The following ADCY2 variants were observed in gnomAD, a reference collection of about 807,000 sequenced individuals.
ADCY2 encodes the protein adenylate cyclase type 2.
ADCY2 carries 31 observed loss-of-function variants against 125.2 expected under a neutral mutation model. The ratio of observed to expected loss-of-function variants is 0.25; its 90% CI spans 0.19 to 0.33. The LOEUF is 0.33. ADCY2 is among the 10% of genes least tolerant of loss of function. ADCY2 has a pLI of 1.00. For missense variants in ADCY2, 904 were observed against 1,418.2 expected, an observed-to-expected ratio of 0.64 and a Z score of 5.82; for synonymous variants, 512 against 548.4, an observed-to-expected ratio of 0.93 and a Z score of 0.93.
At chr5:7,821,206 AG>A (rs1745288862) in intron 24 of ADCY2, among the ~76,000 whole-genome samples, 1 of 152,238 alleles carries the variant, frequency 6.6e-6, no homozygotes, top group Non-Finnish European at 1.5e-5. Flanking sequence ...ACAAATGAAA[AG>A]CAGTGGTTGG....
intron 3 of ADCY2, among the ~76,000 whole-genome samples, chr5:7,552,847 T>C (rs1735382727): frequency 6.6e-6 from 1 of 152,184 alleles, no homozygotes; most frequent in Non-Finnish European, 1.5e-5. Flanking sequence ...TTTTAAATAT[T>C]TTTCTGATAA....
At chr5:7,671,173 T>C (rs1277628711) in intron 4 of ADCY2, among the ~76,000 whole-genome samples, 4 of 152,182 alleles carry the variant, frequency 2.6e-5, no homozygotes, top group Non-Finnish European at 5.9e-5. Flanking sequence ...TCTTCTTTAT[T>C]TGTATAACAA....
At chr5:7,758,540 C>A (rs1463041758) in intron 16 of ADCY2, among the ~76,000 whole-genome samples, 5 of 152,190 alleles carry the variant, frequency 3.3e-5, no homozygotes, top group African/African-American at 1.2e-4. Flanking sequence ...AAGTAGAAAG[C>A]ATTCATGCAG....
At position 7,708,058 on chromosome 5, in the gene ADCY2, G is replaced by T. The variant is rs1167788441; in HGVS notation, c.1401+220G>T. 8 of 488,002 alleles carry T rather than the reference G, an allele frequency of 1.6e-5. No individual in the cohort carries two copies. The East Asian group carries it at 3.0e-4, about 18-fold the overall frequency. 30.2% of individuals were successfully genotyped at this position (488,002 alleles called of 1,614,324 possible). ...TGAAATGCACTGCTTTTCTGCAGGG[G>T]TGTTGATGCAGGTTGCTAGTTCAGG... On this transcript the variant is annotated intron_variant, in intron 9 of 24. Transcript: ENST00000338316.
chr5:7,571,512 T>C (rs759069514), intron 3 of ADCY2, among the ~76,000 whole-genome samples: 2 of 152,160 alleles, frequency 1.3e-5, no homozygotes, highest in Non-Finnish European at 2.9e-5. Context: ...CTAATTTCAG[T>C]GTGAATCTCT....
At chr5:7,825,021 GC>G (rs1288940765) in intron 24 of ADCY2, among the ~76,000 whole-genome samples, 2 of 152,084 alleles carry the variant, frequency 1.3e-5, no homozygotes, top group African/African-American at 4.8e-5. Context: ...ACCCCTGTGT[GC>G]CATAACACTG....
At chr5:7,480,886 G>C (rs1301462117) in intron 2 of ADCY2, among the ~76,000 whole-genome samples, 1 of 152,148 alleles carries the variant, frequency 6.6e-6, no homozygotes, top group Admixed American at 6.5e-5. Flanking sequence ...TTCATCTGCT[G>C]ATGGGCACTT....
At chr5:7,556,130 A>G (rs771776850) in intron 3 of ADCY2, among the ~76,000 whole-genome samples, 2 of 152,142 alleles carry the variant, frequency 1.3e-5, no homozygotes, top group Non-Finnish European at 2.9e-5. Context: ...CCCACCGCCA[A>G]TAGCTATGGA....
chr5:7,759,013 G>T (rs1326830175), intron 16 of ADCY2, among the ~76,000 whole-genome samples: 5 of 152,164 alleles, frequency 3.3e-5, no homozygotes, highest in South Asian at 2.1e-4. Context: ...ATGCCACCTG[G>T]ACCCCAGATG....
chr5:7,510,192 G>A (rs1185327200), intron 2 of ADCY2, among the ~76,000 whole-genome samples: 5 of 152,160 alleles, frequency 3.3e-5, no homozygotes, highest in Non-Finnish European at 5.9e-5. Flanking sequence ...AACTTGGTTT[G>A]GAGGTGTCAA....
chr5:7,747,223 G>A (rs1229769265), intron 15 of ADCY2, among the ~76,000 whole-genome samples: 2 of 152,072 alleles, frequency 1.3e-5, no homozygotes, highest in African/African-American at 2.4e-5. Context: ...CCAGCCACCG[G>A]GCACCTTCCA....
At chr5:7,673,643 C>CT (rs1387673323) in intron 4 of ADCY2, among the ~76,000 whole-genome samples, 1 of 152,152 alleles carries the variant, frequency 6.6e-6, no homozygotes, top group Middle Eastern at 3.2e-3. Flanking sequence ...TCTCCAGGCT[C>CT]TGCCCAACCT....
intron 11 of ADCY2, among the ~76,000 whole-genome samples, chr5:7,713,209 G>T (rs996645729): frequency 6.6e-6 from 1 of 152,066 alleles, no homozygotes; most frequent in Non-Finnish European, 1.5e-5. Flanking sequence ...TGGGTATGTT[G>T]CTTACAATTA....
At chr5:7,584,534 T>C (rs547946711) in intron 3 of ADCY2, among the ~76,000 whole-genome samples, 1 of 152,214 alleles carries the variant, frequency 6.6e-6, no homozygotes, top group African/African-American at 2.4e-5. Flanking sequence ...TATAGACACG[T>C]ATCACTATGT....
intron 3 of ADCY2, among the ~76,000 whole-genome samples, chr5:7,603,576 C>T (rs1198387519): frequency 6.6e-6 from 1 of 152,128 alleles, no homozygotes; most frequent in Admixed American, 6.5e-5. Context: ...GGAGAGTGCC[C>T]ATGCAGCCAT....
chr5:7,514,029 G>T (rs1744170767), intron 2 of ADCY2, among the ~76,000 whole-genome samples: 1 of 152,146 alleles, frequency 6.6e-6, no homozygotes, highest in Non-Finnish European at 1.5e-5. Context: ...GATTCTGCTT[G>T]CTTATACATT....
chr5:7,616,540 G>C (rs1486449325), intron 3 of ADCY2, among the ~76,000 whole-genome samples: 2 of 152,134 alleles, frequency 1.3e-5, no homozygotes, highest in Admixed American at 1.3e-4. Flanking sequence ...TAAATGCTCA[G>C]CAAATGTTTT....
chr5:7,609,924 GAGAAA>G (rs937393562), intron 3 of ADCY2, among the ~76,000 whole-genome samples: 3 of 152,174 alleles, frequency 2.0e-5, no homozygotes, highest in African/African-American at 7.2e-5. Context: ...TTGCCAGGCA[GAGAAA>G]AGTATGTGTG....
At chr5:7,479,073 G>C (rs188026926) in intron 2 of ADCY2, among the ~76,000 whole-genome samples, 1 of 152,010 alleles carries the variant, frequency 6.6e-6, no homozygotes, top group Non-Finnish European at 1.5e-5. Flanking sequence ...ATAGATTTGC[G>C]ATGTATTATT....
Sources: allele counts gnomAD v4.1 joint callset (sites outside exome capture counted in the v4.1 genomes callset), GRCh38; gene constraint gnomAD v4.1.1; transcripts MANE v1.5; gene names NCBI Gene and HGNC (gene_info 2026-07-23, HGNC 2026-07-21).